SOX6: variants seen among roughly 807,000 people sequenced by gnomAD.
The protein encoded by SOX6 is SRY-box transcription factor 6.
SOX6 carries 11 observed loss-of-function variants against 97.8 expected under a neutral mutation model. That is an observed-to-expected ratio of 0.11 (90% CI 0.07 to 0.19). SOX6 has a LOEUF of 0.19. Ranked by LOEUF, SOX6 falls within the 10% of genes least tolerant of loss-of-function variation. The pLI is 1.00. For missense variants in SOX6, 810 were observed against 1,039.5 expected (o/e 0.78, Z 3.04); for synonymous variants, 360 against 371.4 (o/e 0.97, Z 0.35).
intron 13 of SOX6, among the ~76,000 whole-genome samples, chr11:15,995,335 AAAAC>A (rs1854191410): frequency 6.6e-6 from 1 of 152,132 alleles, no homozygotes; most frequent in South Asian, 2.1e-4. Flanking sequence ...CCTAAGACTA[AAAAC>A]AAAATTAAAA....
intron 3 of SOX6, among the ~76,000 whole-genome samples, chr11:16,275,559 G>A (rs557118279): frequency 6.6e-6 from 1 of 152,240 alleles, no homozygotes; most frequent in South Asian, 2.1e-4. Flanking sequence ...TATTTTAATC[G>A]AATTTAAAAT....
chr11:16,446,076 C>A (rs1859604913), intron 1 of SOX6, among the ~76,000 whole-genome samples: 1 of 151,974 alleles, frequency 6.6e-6, no homozygotes, highest in East Asian at 1.9e-4. Context: ...TCTAGATTAT[C>A]TTTTTAATGA....
intron 4 of SOX6, among the ~76,000 whole-genome samples, chr11:16,224,603 A>G (rs1438672228): frequency 1.3e-5 from 2 of 152,058 alleles, no homozygotes; most frequent in Non-Finnish European, 2.9e-5. Flanking sequence ...GATAACAGAG[A>G]GTACAAAGGA....
intron 2 of SOX6, among the ~76,000 whole-genome samples, chr11:16,321,825 C>T (rs1855936249): frequency 6.6e-6 from 1 of 152,098 alleles, no homozygotes; most frequent in Non-Finnish European, 1.5e-5. Flanking sequence ...TTATACCATG[C>T]TTAACAACAA....
chr11:16,604,772 T>C (rs1249419565), intron 4 of SOX6, among the ~76,000 whole-genome samples: 2 of 152,230 alleles, frequency 1.3e-5, no homozygotes, highest in African/African-American at 4.8e-5. Flanking sequence ...CTGCATTCAA[T>C]ATCTGACAAT....
intron 2 of SOX6, among the ~76,000 whole-genome samples, chr11:16,723,769 G>C (rs558606226): frequency 2.0e-5 from 3 of 152,218 alleles, no homozygotes; most frequent in South Asian, 2.1e-4. Context: ...GTGACAGAGA[G>C]AGACTCCAAC....
At chr11:16,391,950 T>C (rs1858198362) in intron 1 of SOX6, among the ~76,000 whole-genome samples, 1 of 151,732 alleles carries the variant, frequency 6.6e-6, no homozygotes, top group Non-Finnish European at 1.5e-5. Flanking sequence ...TTGAGAATAT[T>C]TAAATTGGAA....
intron 3 of SOX6, among the ~76,000 whole-genome samples, chr11:16,241,408 C>T (rs768077457): frequency 3.3e-5 from 5 of 152,156 alleles, no homozygotes; most frequent in Admixed American, 1.3e-4. Context: ...AAATATTACT[C>T]ATCGTGACAT....
At chr11:16,565,224 A>G (rs1217641467) in intron 4 of SOX6, among the ~76,000 whole-genome samples, 2 of 152,290 alleles carry the variant, frequency 1.3e-5, no homozygotes, top group South Asian at 4.1e-4. Flanking sequence ...CCACTTGCTC[A>G]AAAAACAGAA....
chr11:16,197,449 A>G (rs1452909428), intron 4 of SOX6, among the ~76,000 whole-genome samples: 4 of 152,216 alleles, frequency 2.6e-5, no homozygotes, highest in Admixed American at 6.5e-5. Flanking sequence ...AGTATATATG[A>G]TCAGGTAACA....
At chr11:16,542,483 A>T (rs1053284483) in intron 4 of SOX6, among the ~76,000 whole-genome samples, 3 of 152,114 alleles carry the variant, frequency 2.0e-5, no homozygotes, top group Admixed American at 2.0e-4. Context: ...ATTTAAAATA[A>T]TGGTATAAAT....
At position 16,058,741 on chromosome 11, in the gene SOX6, C is replaced by T. The variant is rs542833249; in HGVS notation, c.1102-2840G>A. Among the ~76,000 whole-genome samples, 10 of 152,158 alleles carry T rather than the reference C, an allele frequency of 6.6e-5. No individual in the cohort carries two copies. In the East Asian group the frequency reaches 1.9e-3, roughly 30 times the overall value. ...TCTATCCTGCAGATTTCCTGATTTTCACCATGGCACATCACTCATTCTCAG... is the reference window on the plus strand; with the variant it reads ...TCTATCCTGCAGATTTCCTGATTTTTACCATGGCACATCACTCATTCTCAG... On this transcript the variant is annotated intron_variant, in intron 9 of 15. Coordinates refer to ENST00000683767, the MANE Select transcript of SOX6 (RefSeq NM_001367873.1).
At chr11:16,052,481 A>C (rs889671617) in intron 10 of SOX6, among the ~76,000 whole-genome samples, 1 of 152,186 alleles carries the variant, frequency 6.6e-6, no homozygotes, top group Non-Finnish European at 1.5e-5. Context: ...TTAGGAAGGC[A>C]GATGCTTATC....
chr11:16,683,253 C>T (rs1269813009), intron 3 of SOX6, among the ~76,000 whole-genome samples: 1 of 152,152 alleles, frequency 6.6e-6, no homozygotes, highest in Non-Finnish European at 1.5e-5. Context: ...TCACATGGAA[C>T]CAAAAAGGAG....
At chr11:16,559,255 T>A (rs980347867) in intron 4 of SOX6, among the ~76,000 whole-genome samples, 2 of 152,092 alleles carry the variant, frequency 1.3e-5, no homozygotes, top group Non-Finnish European at 2.9e-5. Flanking sequence ...CTTTCAAACA[T>A]CACAAAAGGA....
rs1056090564 is a variant in SOX6 at position 15,966,463 on chromosome 11, T to G, written c.*6346A>C. 1.3e-5 allele frequency: 2 copies of G among 152,162 alleles called. No homozygotes were observed. The highest frequency in any genetic ancestry group is 2.9e-5 in the Non-Finnish European group (2 of 68,062). 9.4% of individuals were successfully genotyped at this position (152,162 alleles called of 1,614,324 possible). On this transcript the variant is annotated 3_prime_UTR_variant, in exon 16 of 16. Coordinates refer to ENST00000683767, the MANE Select transcript of SOX6 (RefSeq NM_001367873.1). ...ATACACAGAGGTCATAAAACAAAATTTATCTTTAATTTGTAAGTGTCAACA... is the reference window on the plus strand; with the variant it reads ...ATACACAGAGGTCATAAAACAAAATGTATCTTTAATTTGTAAGTGTCAACA...
intron 12 of SOX6, among the ~76,000 whole-genome samples, chr11:16,033,220 G>A (rs530707758): frequency 6.6e-6 from 1 of 152,182 alleles, no homozygotes; most frequent in African/African-American, 2.4e-5. Context: ...AAGGGAACCA[G>A]AAGAATATTT....
At chr11:16,633,143 C>G (rs775422783) in intron 3 of SOX6, among the ~76,000 whole-genome samples, 16 of 152,186 alleles carry the variant, frequency 1.1e-4, no homozygotes, top group Non-Finnish European at 1.9e-4. Context: ...TCCACCTGGA[C>G]ATGGAGTTGA....
chr11:16,629,520 G>T (rs1466315428), intron 3 of SOX6, among the ~76,000 whole-genome samples: 1 of 152,062 alleles, frequency 6.6e-6, no homozygotes, highest in Non-Finnish European at 1.5e-5. Flanking sequence ...AGACTTTTGT[G>T]TCTATACTCA....
Sources: allele counts gnomAD v4.1 joint callset (sites outside exome capture counted in the v4.1 genomes callset), GRCh38; gene constraint gnomAD v4.1.1; transcripts MANE v1.5; gene names NCBI Gene and HGNC (gene_info 2026-07-23, HGNC 2026-07-21).